The following RAB10 variants were observed in gnomAD, a reference collection of about 807,000 sequenced individuals.
RAB10 encodes ras-related protein Rab-10.
In RAB10, 5 loss-of-function variants were observed where a neutral mutation model predicts 25.7. The ratio of observed to expected loss-of-function variants is 0.19; its 90% confidence interval spans 0.10 to 0.41. RAB10 has a LOEUF of 0.41. Ranked by LOEUF, RAB10 falls within the 10% of genes least tolerant of loss-of-function variation. The pLI, the probability that RAB10 is intolerant of heterozygous loss-of-function variation, is 1.00. For synonymous variants in RAB10, 89 were observed against 86.4 expected, an observed-to-expected ratio of 1.03 and a Z score of -0.16; for missense variants, 103 against 245.8, an observed-to-expected ratio of 0.42 and a Z score of 3.89.
chr2:26,049,186 CT>C (rs1314869793), intron 1 of RAB10, among the ~76,000 whole-genome samples: 4,584 of 125,428 alleles, frequency 0.037, 210 homozygotes, highest in African/African-American at 0.12. Context: ...TGGAGGTCGA[CT>C]TTTTTTTTTT....
intron 1 of RAB10, among the ~76,000 whole-genome samples, chr2:26,066,401 A>G (rs549718160): frequency 2.0e-5 from 3 of 152,342 alleles, no homozygotes; most frequent in East Asian, 3.9e-4. Context: ...CAATTTTACA[A>G]TAACTGCTTA....
chr2:26,064,004 G>A (rs1666463000), intron 1 of RAB10, among the ~76,000 whole-genome samples: 2 of 152,134 alleles, frequency 1.3e-5, no homozygotes, highest in Admixed American at 6.6e-5. Context: ...TTCACTATGT[G>A]TTGGCCAGGT....
rs1665721860 is a variant in RAB10 at position 26,034,577 on chromosome 2, G to A, written c.-32G>A. On this transcript the variant is annotated 5_prime_UTR_variant, in exon 1 of 6. Coordinates refer to ENST00000264710, the MANE Select transcript of RAB10 (RefSeq NM_016131.5). ...TGAGAGGGACCGATCCCTTGGGGCC[G>A]CCGGCGGCGAGAGCCCGAGCCGCTC... is the stretch of plus-strand genomic sequence containing the variant. 1.2e-6 allele frequency: 2 copies of A among 1,612,122 alleles called. No individual in the cohort carries two copies. The highest frequency in any genetic ancestry group is 2.7e-5 in the African/African-American group (2 of 75,010).
intron 3 of RAB10, among the ~76,000 whole-genome samples, chr2:26,126,398 C>A (rs1435308949): frequency 6.6e-6 from 1 of 152,104 alleles, no homozygotes; most frequent in Non-Finnish European, 1.5e-5. Flanking sequence ...GCCAACATGG[C>A]AAAACCCCCC....
rs146414728 is a variant in RAB10, at chr2:26,052,066, A to C, written c.127+17331A>C. The stretch of plus-strand genomic sequence containing the variant: ...AGCGAGACTCAGTCTCAAAAAAAAA[A>C]AAACAAAAAGTCATTAAAAAGATGT... On this transcript the variant is annotated intron_variant, in intron 1 of 5. Coordinates refer to ENST00000264710, the MANE Select transcript of RAB10 (RefSeq NM_016131.5). Among the ~76,000 whole-genome samples, 841 of 151,716 alleles carry C rather than the reference A, an allele frequency of 5.5e-3. 9 individuals are homozygous for C. The highest frequency in any genetic ancestry group is 0.016 in the African/African-American group (673 of 41,340).
chr2:26,084,896 A>C (rs1023589206), intron 1 of RAB10, among the ~76,000 whole-genome samples: 1 of 152,144 alleles, frequency 6.6e-6, no homozygotes, highest in African/African-American at 2.4e-5. Flanking sequence ...TATAAGCCTG[A>C]TTATTTTTAA....
chr2:26,089,770 C>T (rs1423008459), intron 1 of RAB10, among the ~76,000 whole-genome samples: 2 of 152,202 alleles, frequency 1.3e-5, no homozygotes, highest in African/African-American at 4.8e-5. Flanking sequence ...AATACTCTTA[C>T]ACCACCAGAT....
At chr2:26,075,920 G>A (rs969767217) in intron 1 of RAB10, among the ~76,000 whole-genome samples, 1 of 152,070 alleles carries the variant, frequency 6.6e-6, no homozygotes, top group Non-Finnish European at 1.5e-5. Context: ...GAATAGAGTT[G>A]CTGACCTGAG....
intron 1 of RAB10, among the ~76,000 whole-genome samples, chr2:26,095,973 G>C (rs945492681): frequency 1.3e-5 from 2 of 152,176 alleles, no homozygotes; most frequent in Non-Finnish European, 1.5e-5. Flanking sequence ...TGCCACTGCC[G>C]AAGTGCAAGT....
intron 1 of RAB10, among the ~76,000 whole-genome samples, chr2:26,057,920 G>A (rs72856578): frequency 1.9e-3 from 285 of 152,194 alleles, no homozygotes; most frequent in African/African-American, 6.6e-3. Flanking sequence ...CACCATGCCC[G>A]GCCTAAAGGC....
At chr2:26,073,279 G>C (rs1469104868) in intron 1 of RAB10, among the ~76,000 whole-genome samples, 1 of 152,236 alleles carries the variant, frequency 6.6e-6, no homozygotes, top group African/African-American at 2.4e-5. Flanking sequence ...CTATTAACCA[G>C]AGATCAGCAA....
rs1267050272 is a variant in RAB10 at position 26,116,551 on chromosome 2, T to G, written c.327+6645T>G. 2.5e-3 allele frequency among the ~76,000 whole-genome samples: 39 copies of G among 15,596 alleles called. 2 individuals carry two copies. In the South Asian group the frequency reaches 0.07, roughly 28 times the overall value. The allele number at this position is 15,596 out of a possible 152,430, so 10.2% of individuals were successfully genotyped here. A position where few individuals can be genotyped will look rare whatever the true frequency, so the allele number is the denominator to read the frequency against. Reference sequence around the variant, plus strand: ...CTTTTCTTTCTTTCTGTCTTGTGTTTTTTTTTTTTTTTTTTTTTTTTTTGA... The same window carrying G: ...CTTTTCTTTCTTTCTGTCTTGTGTTGTTTTTTTTTTTTTTTTTTTTTTTGA... On this transcript the variant is annotated intron_variant, in intron 3 of 5. Transcript: ENST00000264710.
At chr2:26,076,557 G>A (rs1666740252) in intron 1 of RAB10, among the ~76,000 whole-genome samples, 1 of 152,172 alleles carries the variant, frequency 6.6e-6, no homozygotes. Context: ...ATTAGATAGT[G>A]GAGGTGACAG....
chr2:26,084,997 C>G (rs944266225), intron 1 of RAB10, among the ~76,000 whole-genome samples: 6 of 152,154 alleles, frequency 3.9e-5, no homozygotes, highest in African/African-American at 1.4e-4. Flanking sequence ...TACAACTAGT[C>G]TCTTAGTTGT....
At chr2:26,110,856 C>CAT (rs1667554948) in intron 3 of RAB10, among the ~76,000 whole-genome samples, 1 of 92,184 alleles carries the variant, frequency 1.1e-5, no homozygotes, top group Admixed American at 1.2e-4. Flanking sequence ...CAGGTGTGCA[C>CAT]CACCACACCC....
At chr2:26,110,199 G>T (rs1667541047) in intron 3 of RAB10, among the ~76,000 whole-genome samples, 1 of 151,980 alleles carries the variant, frequency 6.6e-6, no homozygotes, top group Non-Finnish European at 1.5e-5. Flanking sequence ...TCAGCTGGGT[G>T]TGGTGATGTG....
At chr2:26,040,831 T>A (rs1260811986) in intron 1 of RAB10, among the ~76,000 whole-genome samples, 1 of 152,176 alleles carries the variant, frequency 6.6e-6, no homozygotes, top group Non-Finnish European at 1.5e-5. Flanking sequence ...ATTTATAGGA[T>A]GGTGTTCACA....
Position 26,034,612 on chromosome 2 carries a change from G to T in RAB10, c.4G>T (p.Ala2Ser). The T allele has an allele frequency of 1.2e-6, 2 of 1,613,462 alleles. No homozygotes were observed. The highest frequency in any genetic ancestry group is 1.7e-6 in the Non-Finnish European group (2 of 1,180,046). M[A>S]KKTYDLLFKL... ...AGAGCCCGAGCCGCTCCTCCCAATG[G>T]CGAAGAAGACGTACGACCTGCTTTT... Residue 2 changes from alanine (A) to serine (S), a missense_variant, in exon 1 of 6, where the codon GCG becomes TCG. Transcript: ENST00000264710.
At chr2:26,065,619 C>G (rs983079657) in intron 1 of RAB10, among the ~76,000 whole-genome samples, 34 of 152,094 alleles carry the variant, frequency 2.2e-4, no homozygotes, top group African/African-American at 8.0e-4. Context: ...ATTTATAAAA[C>G]TTGATACCAT....
Sources: gnomAD v4.1 joint callset for allele counts (sites outside exome capture counted in the v4.1 genomes callset) on GRCh38, gnomAD v4.1.1 for gene constraint, MANE v1.5 for transcripts, NCBI Gene and HGNC (gene_info 2026-07-23, HGNC 2026-07-21) for gene names.